The following LIN28B variants were observed in gnomAD, a reference collection of about 807,000 sequenced individuals.
LIN28B encodes the protein protein lin-28 homolog B.
LIN28B carries 5 observed loss-of-function variants against 21.9 expected under a neutral mutation model. That is an observed-to-expected ratio of 0.23 (90% confidence interval 0.12 to 0.48). The LOEUF is 0.48. LIN28B is among the 20% of genes least tolerant of loss of function. LIN28B has a pLI of 0.98. For synonymous variants in LIN28B, 109 were observed against 111.3 expected, an observed-to-expected ratio of 0.98 and a Z score of 0.13; for missense variants, 245 against 310.5, an observed-to-expected ratio of 0.79 and a Z score of 1.58.
chr6:105,000,912 G>T (rs548074928), intron 2 of LIN28B, among the ~76,000 whole-genome samples: 1 of 152,116 alleles, frequency 6.6e-6, no homozygotes, highest in Non-Finnish European at 1.5e-5. Flanking sequence ...GTTTCACCTC[G>T]TTGAACTCCA....
At chr6:105,032,756 C>T (rs1390954286) in intron 3 of LIN28B, among the ~76,000 whole-genome samples, 5 of 151,998 alleles carry the variant, frequency 3.3e-5, no homozygotes, top group Non-Finnish European at 7.4e-5. Context: ...TTCTGTTAGG[C>T]GTGTGGTGAT....
At position 105,026,391 on chromosome 6, in the gene LIN28B, C is replaced by T. The variant is rs561409100; in HGVS notation, c.292C>T (p.Arg98Trp). The change falls in exon 3 of 4, where the codon CGG (arginine) becomes TGG (tryptophan). Residue 98 changes from arginine to tryptophan, a missense_variant. By Grantham distance (101) the Arg-to-Trp change is moderately radical (BLOSUM62 -3). Transcript: ENST00000345080. ...KKSSKGLESI[R>W]VTGPGGSPCL... ...ATCTTCCAAAGGCCTTGAGTCAATA[C>T]GGGTAACAGGACCTGGTGGGAGCCC... 15 of 1,609,768 alleles carry T rather than the reference C, an allele frequency of 9.3e-6. No homozygotes were observed. Among genetic ancestry groups the T allele is most frequent in the African/African-American group, 2.7e-5 (2 of 74,746 alleles).
chr6:105,021,757 C>T (rs1227167009), intron 2 of LIN28B, among the ~76,000 whole-genome samples: 1 of 152,088 alleles, frequency 6.6e-6, no homozygotes, highest in African/African-American at 2.4e-5. Context: ...TATTTTCTCC[C>T]ATTCCGCAGG....
chr6:104,994,141 A>C (rs1388107418), intron 2 of LIN28B, among the ~76,000 whole-genome samples: 1 of 152,008 alleles, frequency 6.6e-6, no homozygotes, highest in Non-Finnish European at 1.5e-5. Context: ...AGTAGCTGGG[A>C]TTACAGGCGT....
chr6:105,012,870 T>G (rs142263028), intron 2 of LIN28B, among the ~76,000 whole-genome samples: 119 of 152,300 alleles, frequency 7.8e-4, no homozygotes, highest in African/African-American at 2.7e-3. Flanking sequence ...AGGTATATGT[T>G]TAATTCTATA....
chr6:105,026,325 A>C lies in LIN28B; in HGVS notation c.226A>C (p.Ser76Arg). ...QSKLFMEGFR[S>R]LKEGEPVEFT... ...CAAACTATTCATGGAAGGATTTAGA[A>C]GCCTAAAAGAAGGAGAACCAGTGGA... Residue 76 changes from serine (S) to arginine (R), a missense_variant, in exon 3 of 4, where the codon AGC (serine) becomes CGC (arginine). By Grantham distance (110) the Ser-to-Arg change is moderately radical. Transcript: ENST00000345080. 6.2e-7 allele frequency: 1 copy of C among 1,609,574 alleles called. No individual in the cohort carries two copies. Among genetic ancestry groups the C allele is most frequent in the Non-Finnish European group, 8.5e-7 (1 of 1,178,176 alleles).
intron 2 of LIN28B, among the ~76,000 whole-genome samples, chr6:105,011,838 C>T (rs1582894573): frequency 6.6e-6 from 1 of 151,592 alleles, no homozygotes; most frequent in South Asian, 2.1e-4. Flanking sequence ...GAGTGAGACT[C>T]CGTCTCTCCA....
chr6:105,063,977 T>C (rs974988943), intron 3 of LIN28B, among the ~76,000 whole-genome samples: 5 of 151,480 alleles, frequency 3.3e-5, no homozygotes, highest in African/African-American at 1.2e-4. Context: ...GATCAAAATG[T>C]TTCAAGATAT....
At chr6:105,050,834 A>C (rs923243275) in intron 3 of LIN28B, among the ~76,000 whole-genome samples, 1 of 151,384 alleles carries the variant, frequency 6.6e-6, no homozygotes, top group African/African-American at 2.4e-5. Flanking sequence ...AATCTCTGAG[A>C]AATGTTGATT....
At chr6:105,013,253 C>T (rs1321934482) in intron 2 of LIN28B, among the ~76,000 whole-genome samples, 9 of 152,040 alleles carry the variant, frequency 5.9e-5, no homozygotes, top group Admixed American at 2.6e-4. Context: ...TCAGGTGATC[C>T]GCCTGCCTCT....
At chr6:104,940,814 C>T (rs1163817924) in intron 2 of LIN28B, 1 of 151,818 alleles carries the variant, frequency 6.6e-6, no homozygotes, top group Non-Finnish European at 1.5e-5. Flanking sequence ...TCCGCGTCCC[C>T]TTGCCGGCTC....
chr6:105,025,128 C>T (rs573978857), intron 2 of LIN28B, among the ~76,000 whole-genome samples: 16 of 152,134 alleles, frequency 1.1e-4, no homozygotes, highest in East Asian at 1.9e-4. Context: ...TGAACAGAAA[C>T]GACAGCAAAT....
intron 2 of LIN28B, among the ~76,000 whole-genome samples, chr6:104,972,766 AG>A (rs1479481095): frequency 2.0e-5 from 3 of 152,212 alleles, no homozygotes; most frequent in Admixed American, 2.0e-4. Flanking sequence ...TTTAGAGTTC[AG>A]TATTTATTTT....
chr6:104,986,532 C>CAAAAAAAAAA (rs71003463), intron 2 of LIN28B, among the ~76,000 whole-genome samples: 1 of 139,876 alleles, frequency 7.1e-6, no homozygotes. Flanking sequence ...TCATTTCTAC[C>CAAAAAAAAAA]AAAAAAAAAA....
chr6:104,968,093 A>G (rs920382669), intron 2 of LIN28B, among the ~76,000 whole-genome samples: 2 of 152,252 alleles, frequency 1.3e-5, no homozygotes, highest in African/African-American at 4.8e-5. Flanking sequence ...ATCGTGGTTC[A>G]GTAAAGCCAA....
At chr6:105,022,064 C>A (rs927888981) in intron 2 of LIN28B, among the ~76,000 whole-genome samples, 1 of 151,548 alleles carries the variant, frequency 6.6e-6, no homozygotes, top group Non-Finnish European at 1.5e-5. Flanking sequence ...TCACCTACAA[C>A]CTAAGAGCAG....
chr6:105,047,380 C>A (rs429113), intron 3 of LIN28B, among the ~76,000 whole-genome samples: 1 of 151,888 alleles, frequency 6.6e-6, no homozygotes, highest in Non-Finnish European at 1.5e-5. Flanking sequence ...GGTCTGTATC[C>A]CTGTTTTGGT....
chr6:105,011,557 A>C (rs1384218173), intron 2 of LIN28B, among the ~76,000 whole-genome samples: 1 of 152,066 alleles, frequency 6.6e-6, no homozygotes, highest in East Asian at 1.9e-4. Flanking sequence ...TCTTTACATC[A>C]CCCTGTGGGA....
chr6:104,978,960 G>A (rs962385388), intron 2 of LIN28B, among the ~76,000 whole-genome samples: 6 of 152,174 alleles, frequency 3.9e-5, no homozygotes, highest in Non-Finnish European at 7.3e-5. Context: ...TAAGTTGTCC[G>A]ATTCAGTCTG....
Sources: gnomAD v4.1 joint callset for allele counts (sites outside exome capture counted in the v4.1 genomes callset) on GRCh38, gnomAD v4.1.1 for gene constraint, MANE v1.5 for transcripts, NCBI Gene and HGNC (gene_info 2026-07-23, HGNC 2026-07-21) for gene names.